CDH18: variants seen among roughly 807,000 people sequenced by gnomAD.
CDH18 encodes the protein cadherin 18, also known as cadherin-18.
Under a neutral mutation model 67.9 loss-of-function variants are expected in CDH18, and 31 were observed. The observed-to-expected ratio is 0.46, with a 90% CI of 0.34 to 0.62. The LOEUF (loss-of-function observed/expected upper bound fraction) is 0.62, where lower values mean the gene tolerates loss of function less well. CDH18 is among the 20% of genes least tolerant of loss of function. The probability of loss-of-function intolerance (pLI) is 0.01; values close to 1 mark genes in which losing one functional copy is unlikely to be tolerated. For missense variants in CDH18, 890 were observed against 975.5 expected, an observed-to-expected ratio of 0.91 and a Z score of 1.17; for synonymous variants, 362 against 347.2, an observed-to-expected ratio of 1.04 and a Z score of -0.48.
At chr5:20,036,239 A>G (rs1388178727) in intron 2 of CDH18, among the ~76,000 whole-genome samples, 1 of 152,032 alleles carries the variant, frequency 6.6e-6, no homozygotes, top group Non-Finnish European at 1.5e-5. Flanking sequence ...AACAGACTGG[A>G]ACTAGGAGGT....
chr5:19,624,560 AT>A, intron 5 of CDH18, among the ~76,000 whole-genome samples: 1 of 152,278 alleles, frequency 6.6e-6, no homozygotes, highest in Middle Eastern at 3.4e-3. Flanking sequence ...AGAGTCCAGA[AT>A]TGGGCCAAAG....
intron 3 of CDH18, among the ~76,000 whole-genome samples, chr5:19,752,269 G>A (rs966138438): frequency 2.0e-5 from 3 of 152,058 alleles, no homozygotes; most frequent in East Asian, 3.9e-4. Context: ...ACTGGGAAGC[G>A]GGTTAGCCGG....
At chr5:19,749,189 C>T (rs1045750297) in intron 3 of CDH18, among the ~76,000 whole-genome samples, 17 of 152,076 alleles carry the variant, frequency 1.1e-4, no homozygotes, top group Non-Finnish European at 1.6e-4. Flanking sequence ...TCTCTAACTT[C>T]GCGTCAATCC....
At chr5:19,898,754 C>A (rs1789621113) in intron 2 of CDH18, among the ~76,000 whole-genome samples, 1 of 152,046 alleles carries the variant, frequency 6.6e-6, no homozygotes, top group South Asian at 2.1e-4. Flanking sequence ...GCAGTGATTT[C>A]TTGGATATGA....
chr5:20,237,978 C>T (rs1032080033), intron 2 of CDH18, among the ~76,000 whole-genome samples: 1 of 151,934 alleles, frequency 6.6e-6, no homozygotes, highest in Non-Finnish European at 1.5e-5. Flanking sequence ...AATAGAACAT[C>T]ACAGACAGCC....
At chr5:20,155,265 GCTTT>G (rs1394563638) in intron 2 of CDH18, among the ~76,000 whole-genome samples, 1 of 152,032 alleles carries the variant, frequency 6.6e-6, no homozygotes, top group Non-Finnish European at 1.5e-5. Context: ...CCAGATACTT[GCTTT>G]CTATTTTATC....
chr5:19,644,145 T>C (rs4509022), intron 5 of CDH18, among the ~76,000 whole-genome samples: 151,777 of 152,238 alleles, frequency 1, 75,660 homozygotes, highest in Non-Finnish European at 1. Flanking sequence ...GCAAACCACT[T>C]ACTTAGAACC....
chr5:20,423,145 C>G (rs941822903), intron 1 of CDH18, among the ~76,000 whole-genome samples: 1 of 151,252 alleles, frequency 6.6e-6, no homozygotes, highest in African/African-American at 2.5e-5. Flanking sequence ...CGCGCTGGAA[C>G]CTTTGGTCTC....
intron 5 of CDH18, among the ~76,000 whole-genome samples, chr5:19,688,886 A>G (rs979694561): frequency 6.6e-6 from 1 of 152,118 alleles, no homozygotes; most frequent in South Asian, 2.1e-4. Flanking sequence ...AGAATTTAAT[A>G]CATGAAACAA....
intron 1 of CDH18, among the ~76,000 whole-genome samples, chr5:20,541,912 A>G (rs947843501): frequency 3.2e-4 from 49 of 152,134 alleles, no homozygotes; most frequent in Non-Finnish European, 7.4e-5. Flanking sequence ...ATCCCTGACG[A>G]GGTTATTGAA....
chr5:19,583,739 T>G (rs1353189508), intron 7 of CDH18, among the ~76,000 whole-genome samples: 1 of 152,172 alleles, frequency 6.6e-6, no homozygotes, highest in Non-Finnish European at 1.5e-5. Flanking sequence ...CGTTTCATGT[T>G]TTCCATAATC....
In CDH18 at chr5:20,468,781, C is replaced by G. The variant is rs1322313744; in HGVS notation, c.-580+106681G>C. ...TTTACTATGCCATTATATAGCAAAA[C>G]CATTGATTGAACGGTTGTGTTAAGT... On this transcript the variant is annotated intron_variant, in intron 1 of 14. Coordinates refer to the CDH18 transcript ENST00000507958. 2.0e-5 allele frequency among the ~76,000 whole-genome samples: 3 copies of G among 152,020 alleles called. No individual in the cohort carries two copies. The East Asian group carries it at 5.8e-4, about 29-fold the overall frequency.
intron 10 of CDH18, among the ~76,000 whole-genome samples, chr5:19,516,381 AT>A (rs1453683138): frequency 6.6e-6 from 1 of 152,068 alleles, no homozygotes; most frequent in Non-Finnish European, 1.5e-5. Flanking sequence ...GTTTGGGAGG[AT>A]TCCCTCTTTT....
At chr5:20,297,209 C>G (rs1213360357) in intron 1 of CDH18, among the ~76,000 whole-genome samples, 2 of 151,944 alleles carry the variant, frequency 1.3e-5, no homozygotes, top group Admixed American at 1.3e-4. Flanking sequence ...AGGTTTTTCC[C>G]CTTTCTTTCT....
chr5:20,073,573 A>G (rs1163462740), intron 2 of CDH18, among the ~76,000 whole-genome samples: 5 of 152,104 alleles, frequency 3.3e-5, no homozygotes, highest in African/African-American at 1.2e-4. Flanking sequence ...TATGTTTCAT[A>G]TATTTTATAT....
intron 2 of CDH18, among the ~76,000 whole-genome samples, chr5:20,061,739 C>T (rs576649270): frequency 6.6e-6 from 1 of 152,278 alleles, no homozygotes; most frequent in East Asian, 1.9e-4. Flanking sequence ...CCACATCCAT[C>T]TTACAAAGTG....
chr5:19,960,640 C>T (rs1186538529), intron 2 of CDH18, among the ~76,000 whole-genome samples: 25 of 95,750 alleles, frequency 2.6e-4, no homozygotes, highest in Admixed American at 4.0e-4. Flanking sequence ...TATATGTATA[C>T]ATATACACGT....
intron 6 of CDH18, among the ~76,000 whole-genome samples, chr5:19,606,417 TG>T (rs1416537874): frequency 6.6e-6 from 1 of 152,128 alleles, no homozygotes; most frequent in Admixed American, 6.6e-5. Context: ...AATATGTTTA[TG>T]GTTAATATGT....
At chr5:19,496,722 G>A (rs1241188553) in intron 11 of CDH18, among the ~76,000 whole-genome samples, 3 of 144,910 alleles carry the variant, frequency 2.1e-5, no homozygotes, top group African/African-American at 7.7e-5. Flanking sequence ...TGAGTTAGGA[G>A]AATCGCTTGA....
Sources: allele counts gnomAD v4.1 joint callset (sites outside exome capture counted in the v4.1 genomes callset), GRCh38; gene constraint gnomAD v4.1.1; transcripts MANE v1.5; gene names NCBI Gene and HGNC (gene_info 2026-07-23, HGNC 2026-07-21).